Variants in MAP3K7CL observed in about 807,000 individuals in gnomAD.
MAP3K7CL encodes MAP3K7 C-terminal-like protein.
MAP3K7CL carries 16 observed loss-of-function variants against 18.6 expected under a neutral mutation model. That is an observed-to-expected ratio of 0.86 (90% CI 0.58 to 1.31). The LOEUF is 1.31. Among genes scored for constraint, MAP3K7CL ranks in the 50% most tolerant of loss-of-function variants. MAP3K7CL has a pLI of 0.00. For synonymous variants in MAP3K7CL, 65 were observed against 66.8 expected (o/e 0.97, Z 0.13); for missense variants, 163 against 174.4 (o/e 0.93, Z 0.37).
chr21:29,121,973 G>A (rs1020942827), intron 4 of MAP3K7CL: 1 of 152,094 alleles, frequency 6.6e-6, no homozygotes, highest in Non-Finnish European at 1.5e-5. Context: ...GGAAAGTCCT[G>A]CAAGTACTCA....
chr21:29,099,704 A>G (rs1467399584), intron 4 of MAP3K7CL, among the ~76,000 whole-genome samples: 1 of 152,098 alleles, frequency 6.6e-6, no homozygotes, highest in East Asian at 1.9e-4. Context: ...GCAACATAAC[A>G]GTTGGTCAGA....
intron 4 of MAP3K7CL, among the ~76,000 whole-genome samples, chr21:29,164,544 C>G (rs2087636422): frequency 6.6e-6 from 1 of 152,168 alleles, no homozygotes; most frequent in Admixed American, 6.5e-5. Context: ...AGGAGGTCTC[C>G]CTGGATCAAG....
At chr21:29,167,262 G>A (rs1278519016) in intron 4 of MAP3K7CL, among the ~76,000 whole-genome samples, 3 of 152,062 alleles carry the variant, frequency 2.0e-5, no homozygotes, top group Non-Finnish European at 4.4e-5. Context: ...TTGTTTCTGA[G>A]GTGAAAAATG....
chr21:29,092,723 T>A, intron 4 of MAP3K7CL: 1 of 832,400 alleles, frequency 1.2e-6, no homozygotes, highest in Non-Finnish European at 1.8e-6. Context: ...TACGACGTGC[T>A]GGGTGTTCTT....
At chr21:29,138,305 A>G (rs1028494930) in intron 2 of MAP3K7CL, among the ~76,000 whole-genome samples, 4 of 152,238 alleles carry the variant, frequency 2.6e-5, no homozygotes, top group African/African-American at 7.2e-5. Context: ...GATATTAATG[A>G]TAATCAGTAT....
chr21:29,162,551 TG>T (rs550059677), intron 4 of MAP3K7CL, among the ~76,000 whole-genome samples: 117 of 150,312 alleles, frequency 7.8e-4, no homozygotes, highest in African/African-American at 2.8e-3. Context: ...GGTGTAGTGG[TG>T]GGCGCATGTA....
intron 4 of MAP3K7CL, among the ~76,000 whole-genome samples, chr21:29,115,767 C>T (rs140698070): frequency 2.6e-5 from 4 of 152,310 alleles, no homozygotes; most frequent in African/African-American, 7.2e-5. Flanking sequence ...GTGTGGGACC[C>T]CTCTGAGCAT....
chr21:29,137,062 C>T (rs1258294597), intron 2 of MAP3K7CL, among the ~76,000 whole-genome samples: 2 of 152,174 alleles, frequency 1.3e-5, no homozygotes, highest in Non-Finnish European at 2.9e-5. Flanking sequence ...CCAATGACAT[C>T]TTATAGGTAA....
chr21:29,100,123 C>T (rs2086200357), intron 4 of MAP3K7CL, among the ~76,000 whole-genome samples: 1 of 151,800 alleles, frequency 6.6e-6, no homozygotes, highest in South Asian at 2.1e-4. Flanking sequence ...ATCTCCTCCT[C>T]CCACCTTTGT....
intron 2 of MAP3K7CL, among the ~76,000 whole-genome samples, chr21:29,143,121 T>A (rs2087044759): frequency 6.6e-6 from 1 of 152,236 alleles, no homozygotes; most frequent in South Asian, 2.1e-4. Context: ...AACTTCATAA[T>A]TTGCAGGACA....
chr21:29,152,308 C>T (rs1396451696), intron 3 of MAP3K7CL, among the ~76,000 whole-genome samples: 1 of 152,184 alleles, frequency 6.6e-6, no homozygotes, highest in Non-Finnish European at 1.5e-5. Context: ...TAAGCATATA[C>T]ATTTAAGCCT....
At chr21:29,170,330 A>G (rs952292456) in intron 4 of MAP3K7CL, among the ~76,000 whole-genome samples, 11 of 152,244 alleles carry the variant, frequency 7.2e-5, no homozygotes, top group African/African-American at 1.9e-4. Flanking sequence ...ACTTTCTCCA[A>G]TGCAAGATCA....
rs2087511774 is a variant in MAP3K7CL, at chr21:29,160,150, A to T, written c.248+94A>T. Reference sequence around the variant, plus strand: ...AGGGGACAGGCTGAGTGTGAGGATGACAGGGAGGCAAGGGGGTTACAGCAA... The same window carrying T: ...AGGGGACAGGCTGAGTGTGAGGATGTCAGGGAGGCAAGGGGGTTACAGCAA... On this transcript the variant is annotated intron_variant, in intron 4 of 4. Coordinates refer to ENST00000399928, the MANE Select transcript of MAP3K7CL (RefSeq NM_001286620.2). 3.4e-6 allele frequency: 3 copies of T among 882,586 alleles called. No individual in the cohort carries two copies. The Admixed American group carries it at 7.5e-5, about 22-fold the overall frequency. 54.7% of individuals were successfully genotyped at this position (882,586 alleles called of 1,614,324 possible).
At chr21:29,169,870 A>G (rs932352598) in intron 4 of MAP3K7CL, among the ~76,000 whole-genome samples, 1 of 152,358 alleles carries the variant, frequency 6.6e-6, no homozygotes, top group Middle Eastern at 3.4e-3. Context: ...GAGGCAACAG[A>G]TGAGCTATGG....
At chr21:29,124,270 T>C (rs1326243967) in intron 4 of MAP3K7CL, among the ~76,000 whole-genome samples, 3 of 149,620 alleles carry the variant, frequency 2.0e-5, no homozygotes, top group Non-Finnish European at 4.4e-5. Context: ...AGGAGAATCG[T>C]TTGAACCTGG....
At chr21:29,104,314 G>A (rs2086283541) in intron 4 of MAP3K7CL, among the ~76,000 whole-genome samples, 1 of 151,854 alleles carries the variant, frequency 6.6e-6, no homozygotes, top group African/African-American at 2.4e-5. Context: ...TCTCCTCTTG[G>A]CAAGAGCTGT....
chr21:29,095,669 A>G (rs554235016), intron 4 of MAP3K7CL, among the ~76,000 whole-genome samples: 1 of 152,344 alleles, frequency 6.6e-6, no homozygotes, highest in East Asian at 1.9e-4. Flanking sequence ...GTGACCAACT[A>G]TTCCAGAGCA....
chr21:29,175,336 T>C lies in MAP3K7CL; in HGVS notation c.*444T>C, dbSNP rs1225638946. The C allele has an allele frequency of 2.0e-5, 3 of 152,502 alleles. No homozygotes were observed. The highest frequency in any genetic ancestry group is 7.2e-5 in the African/African-American group (3 of 41,452). 9.4% of individuals were successfully genotyped at this position (152,502 alleles called of 1,614,324 possible). A position where few individuals can be genotyped will look rare whatever the true frequency, so the allele number is the denominator to read the frequency against. ...CATGCCTTTAATATTTCAAATATGC[T>C]CAAATTTAAACTGTCAGAAACTTCT... On this transcript the variant is annotated 3_prime_UTR_variant, in exon 5 of 5. Transcript: ENST00000399928.
At chr21:29,086,548 T>C (rs2085928668) in intron 1 of MAP3K7CL, among the ~76,000 whole-genome samples, 1 of 152,260 alleles carries the variant, frequency 6.6e-6, no homozygotes, top group Non-Finnish European at 1.5e-5. Flanking sequence ...CATTTTGCTC[T>C]AGGCTGATCA....
Sources: allele counts gnomAD v4.1 joint callset (sites outside exome capture counted in the v4.1 genomes callset), GRCh38; gene constraint gnomAD v4.1.1; transcripts MANE v1.5; gene names NCBI Gene and HGNC (gene_info 2026-07-23, HGNC 2026-07-21).